JMJD1C: variants seen among roughly 807,000 people sequenced by gnomAD.
JMJD1C encodes the protein jumonji domain-containing protein 1C.
A neutral mutation model predicts 245.3 loss-of-function variants in JMJD1C; 31 were observed. The observed-to-expected ratio is 0.13, with a 90% CI of 0.09 to 0.17. JMJD1C has a LOEUF of 0.17. JMJD1C is among the 10% of genes least tolerant of loss of function. The probability of loss-of-function intolerance (pLI) is 1.00; values close to 1 mark genes in which losing one functional copy is unlikely to be tolerated. For synonymous variants in JMJD1C, 1,057 were observed against 1,017.4 expected, an observed-to-expected ratio of 1.04 and a Z score of -0.74; for missense variants, 2,691 against 3,000.2, an observed-to-expected ratio of 0.90 and a Z score of 2.41.
intron 2 of JMJD1C, among the ~76,000 whole-genome samples, chr10:63,325,629 C>G (rs1180177573): frequency 6.6e-6 from 1 of 151,228 alleles, no homozygotes; most frequent in Non-Finnish European, 1.5e-5. Context: ...GGAGTAAATA[C>G]AACTGATTAG....
At chr10:63,453,581 TTTC>T (rs1952207533) in intron 1 of JMJD1C, among the ~76,000 whole-genome samples, 1 of 152,172 alleles carries the variant, frequency 6.6e-6, no homozygotes, top group Non-Finnish European at 1.5e-5. Context: ...TTAGAAAGAA[TTTC>T]TTAAGCTGAA....
At chr10:63,382,716 A>G (rs1947309611) in intron 1 of JMJD1C, 1 of 452,258 alleles carries the variant, frequency 2.2e-6, no homozygotes, top group Admixed American at 2.4e-5. Context: ...TCGCTCCCCT[A>G]CTTTCATTCT....
At chr10:63,331,399 A>G (rs10995505) in intron 2 of JMJD1C, among the ~76,000 whole-genome samples, 95,458 of 152,112 alleles carry the variant, frequency 0.63, 32,711 homozygotes, top group Non-Finnish European at 0.78. Flanking sequence ...CTGCACAATT[A>G]GAATTACATT....
intron 2 of JMJD1C, among the ~76,000 whole-genome samples, chr10:63,324,782 AG>A (rs1941323792): frequency 6.6e-6 from 1 of 152,218 alleles, no homozygotes; most frequent in South Asian, 2.1e-4. Context: ...AAGAGGTTCC[AG>A]GGTGGTGGTT....
intron 1 of JMJD1C, chr10:63,428,082 G>C (rs944076396): frequency 4.1e-6 from 2 of 484,580 alleles, no homozygotes; most frequent in South Asian, 6.8e-5. Context: ...TATATATTAA[G>C]ACAGCTGATC....
chr10:63,465,003 T>G (rs1953096029), intron 1 of JMJD1C, among the ~76,000 whole-genome samples: 1 of 152,360 alleles, frequency 6.6e-6, no homozygotes, highest in East Asian at 1.9e-4. Flanking sequence ...TGGGAAGGTC[T>G]CTTTTCTTTT....
chr10:63,444,749 C>A (rs1368673233), intron 1 of JMJD1C, among the ~76,000 whole-genome samples: 3 of 151,952 alleles, frequency 2.0e-5, no homozygotes, highest in African/African-American at 7.3e-5. Flanking sequence ...CCTCAGCCTC[C>A]TGAGAAGCTG....
In JMJD1C at chr10:63,197,356, T is replaced by C; in HGVS notation, c.5644+55A>G. The stretch of plus-strand genomic sequence containing the variant: ...AAACACATCTCATGTTCTAGAAGAG[T>C]GATCCTAAAGAAAAATTATAAAAAA... On this transcript the variant is annotated intron_variant, in intron 13 of 25. Transcript: ENST00000399262. 3 of 1,410,950 alleles carry C rather than the reference T, an allele frequency of 2.1e-6. No homozygotes were observed. The East Asian group carries it at 7.2e-5, about 34-fold the overall frequency. 87.4% of individuals were successfully genotyped at this position (1,410,950 alleles called of 1,614,324 possible). A position where few individuals can be genotyped will look rare whatever the true frequency, so the allele number is the denominator to read the frequency against.
chr10:63,168,308 G>C, intron 25 of JMJD1C, 127 bp downstream of exon 25: 1 of 1,010,242 alleles, frequency 9.9e-7, no homozygotes, highest in Non-Finnish European at 1.5e-6. Flanking sequence ...AATACATGTT[G>C]GTGTTAATCT....
At chr10:63,248,237 T>C (rs1225951573) in intron 3 of JMJD1C, among the ~76,000 whole-genome samples, 1 of 151,706 alleles carries the variant, frequency 6.6e-6, no homozygotes, top group Admixed American at 6.6e-5. Context: ...CCGAGGCAGG[T>C]GGATCACAAG....
chr10:63,505,236 G>A (rs1954681883), intron 1 of JMJD1C, among the ~76,000 whole-genome samples: 1 of 150,178 alleles, frequency 6.7e-6, no homozygotes, highest in African/African-American at 2.5e-5. Context: ...AGAATGGCAT[G>A]AACCAGGGAG....
At chr10:63,176,730 T>C (rs1842886479) in intron 23 of JMJD1C, 1 of 343,370 alleles carries the variant, frequency 2.9e-6, no homozygotes, top group Non-Finnish European at 5.3e-6. Context: ...CACTATGAAG[T>C]TTCCATCTAT....
intron 3 of JMJD1C, among the ~76,000 whole-genome samples, chr10:63,244,490 A>G (rs1278593040): frequency 6.6e-6 from 1 of 152,214 alleles, no homozygotes; most frequent in Non-Finnish European, 1.5e-5. Flanking sequence ...CAATCCTTCA[A>G]TGCAAAGACA....
chr10:63,289,778 A>G (rs545140693), intron 2 of JMJD1C, among the ~76,000 whole-genome samples: 2 of 152,308 alleles, frequency 1.3e-5, no homozygotes, highest in Admixed American at 1.3e-4. Context: ...AGTATATACT[A>G]TAACAAGATT....
At chr10:63,423,574 T>G (rs1372340083) in intron 1 of JMJD1C, among the ~76,000 whole-genome samples, 2 of 152,226 alleles carry the variant, frequency 1.3e-5, no homozygotes, top group Non-Finnish European at 2.9e-5. Context: ...ACATTTGGGT[T>G]ATTTCTGCCT....
chr10:63,259,859 A>G (rs1196330152), intron 3 of JMJD1C, among the ~76,000 whole-genome samples: 1 of 152,220 alleles, frequency 6.6e-6, no homozygotes, highest in African/African-American at 2.4e-5. Flanking sequence ...ATAGAACTGT[A>G]GTATTAACAG....
At chr10:63,171,782 A>G (rs1842393588) in intron 24 of JMJD1C, among the ~76,000 whole-genome samples, 1 of 152,162 alleles carries the variant, frequency 6.6e-6, no homozygotes, top group Non-Finnish European at 1.5e-5. Flanking sequence ...GTGTCAGAAT[A>G]CTGATTTAGA....
intron 5 of JMJD1C, 103 bp from the exon 6 acceptor site, chr10:63,215,799 G>T: frequency 1.3e-6 from 1 of 751,752 alleles, no homozygotes. Context: ...AATCAGCTTG[G>T]GATCCCTAAT....
chr10:63,227,143 T>C (rs1849391571), intron 3 of JMJD1C, among the ~76,000 whole-genome samples: 1 of 152,200 alleles, frequency 6.6e-6, no homozygotes, highest in Non-Finnish European at 1.5e-5. Context: ...GGTGATTATG[T>C]ACTTTCTACT....
Sources: gnomAD v4.1 joint callset for allele counts (sites outside exome capture counted in the v4.1 genomes callset) on GRCh38, gnomAD v4.1.1 for gene constraint, MANE v1.5 for transcripts, NCBI Gene and HGNC (gene_info 2026-07-23, HGNC 2026-07-21) for gene names.